The following UQCRC2 variants were observed in gnomAD, a reference collection of about 807,000 sequenced individuals.
The protein encoded by UQCRC2 is ubiquinol-cytochrome c reductase core protein 2.
Under a neutral mutation model 55.6 loss-of-function variants are expected in UQCRC2, and 49 were observed. The ratio of observed to expected loss-of-function variants is 0.88; its 90% confidence interval spans 0.70 to 1.12. UQCRC2 has a LOEUF of 1.12. Ranked by LOEUF, UQCRC2 falls within the 50% of genes most tolerant of loss-of-function variation. The probability of loss-of-function intolerance (pLI) is 0.00; values close to 1 mark genes in which losing one functional copy is unlikely to be tolerated. For missense variants in UQCRC2, 506 were observed against 547.8 expected (o/e 0.92, Z 0.76); for synonymous variants, 193 against 192.0 (o/e 1.01, Z -0.04).
chr16:21,976,686 C>T (rs1898593150), intron 12 of UQCRC2: 1 of 153,156 alleles, frequency 6.5e-6, no homozygotes, highest in Admixed American at 6.5e-5. Flanking sequence ...ACCCTAATAA[C>T]CCAGTCATCC....
At chr16:21,979,748 C>T (rs540732401) in intron 12 of UQCRC2, among the ~76,000 whole-genome samples, 11 of 152,182 alleles carry the variant, frequency 7.2e-5, no homozygotes, top group Admixed American at 1.3e-4. Context: ...ACATAGGCTA[C>T]GCTAAATTTA....
chr16:21,976,115 C>T (rs1898578510), intron 11 of UQCRC2, 52 bp from the exon 12 acceptor site: 2 of 1,286,500 alleles, frequency 1.6e-6, no homozygotes, highest in African/African-American at 1.5e-5. Flanking sequence ...GTCAGTGCTG[C>T]AGGAGACTCT....
intron 12 of UQCRC2, among the ~76,000 whole-genome samples, chr16:21,978,501 C>T (rs192841664): frequency 1.3e-5 from 2 of 152,248 alleles, no homozygotes; most frequent in Admixed American, 1.3e-4. Context: ...CTTACAAGAC[C>T]TGTACTGCCC....
chr16:21,967,149 G>C (rs900175531), intron 7 of UQCRC2, among the ~76,000 whole-genome samples: 1 of 152,188 alleles, frequency 6.6e-6, no homozygotes, highest in African/African-American at 2.4e-5. Flanking sequence ...AGAAATTGGC[G>C]CTAGAATACT....
intron 8 of UQCRC2, 151 bp from the exon 9 acceptor site, chr16:21,971,374 C>T (rs756033423): frequency 1.6e-6 from 1 of 624,808 alleles, no homozygotes; most frequent in East Asian, 2.8e-5. Flanking sequence ...AATTGGGTAT[C>T]TCTGGGAGAG....
intron 12 of UQCRC2, among the ~76,000 whole-genome samples, chr16:21,979,814 A>C (rs2080711891): frequency 6.6e-6 from 1 of 152,168 alleles, no homozygotes. Context: ...GGAATCTTTC[A>C]GCTCCCTAAT....
In UQCRC2 at chr16:21,971,339, A is replaced by G. The variant is rs533155543; in HGVS notation, c.671-186A>G. Among the ~76,000 whole-genome samples the G allele has an allele frequency of 3.9e-5, 6 of 152,358 alleles. No homozygotes were observed. The South Asian group carries it at 1.0e-3, about 26-fold the overall frequency. ...TGAATAGTAATACTAAGTATATAGT[A>G]AATAGTTTAGTAATAGTAAACTGTA... On this transcript the variant is annotated intron_variant, in intron 8 of 13. Coordinates refer to ENST00000268379, the MANE Select transcript of UQCRC2 (RefSeq NM_003366.4).
chr16:21,970,600 T>G (rs955305126), intron 8 of UQCRC2, among the ~76,000 whole-genome samples: 8 of 152,334 alleles, frequency 5.3e-5, no homozygotes, highest in Non-Finnish European at 1.0e-4. Context: ...TTGTTTGTTT[T>G]TTTGAGACAG....
chr16:21,962,322 G>A, intron 4 of UQCRC2, 138 bp from the exon 5 acceptor site: 1 of 974,564 alleles, frequency 1.0e-6, no homozygotes, highest in Non-Finnish European at 1.5e-6. Context: ...GTTAATATGT[G>A]GAGTTTTGTT....
At chr16:21,973,058 C>T (rs960464716) in intron 10 of UQCRC2, among the ~76,000 whole-genome samples, 2 of 152,206 alleles carry the variant, frequency 1.3e-5, no homozygotes, top group African/African-American at 2.4e-5. Flanking sequence ...TGAGATCGTG[C>T]CACTGCACTC....
intron 7 of UQCRC2, among the ~76,000 whole-genome samples, chr16:21,967,380 A>G (rs938017411): frequency 6.6e-6 from 1 of 151,980 alleles, no homozygotes; most frequent in Admixed American, 6.6e-5. Context: ...CTTACTTTTA[A>G]TACCACAGAT....
chr16:21,953,722 G>A (rs376329826), intron 1 of UQCRC2, among the ~76,000 whole-genome samples: 19 of 152,150 alleles, frequency 1.2e-4, no homozygotes, highest in African/African-American at 4.6e-4. Flanking sequence ...AGAGACTTCT[G>A]AAGGTCACTC....
chr16:21,973,869 A>G (rs763762836), intron 10 of UQCRC2, 27 bp from the exon 11 acceptor site: 2 of 1,605,332 alleles, frequency 1.2e-6, no homozygotes, highest in African/African-American at 1.3e-5. Context: ...GTAGAATATC[A>G]TACAGTAAAG....
chr16:21,966,028 T>C (rs1898317191), intron 7 of UQCRC2, among the ~76,000 whole-genome samples: 2 of 151,832 alleles, frequency 1.3e-5, no homozygotes, highest in Non-Finnish European at 2.9e-5. Context: ...AGTATCATAA[T>C]AGGGGCTGGG....
Position 21,968,651 on chromosome 16 carries a change from T to A in UQCRC2, c.636T>A (p.His212Gln). The A allele has an allele frequency of 1.2e-6, 2 of 1,609,566 alleles. No individual in the cohort carries two copies. The highest frequency in any genetic ancestry group is 1.7e-6 in the Non-Finnish European group (2 of 1,177,720). The change falls in exon 8 of 14, where the codon CAT (histidine) becomes CAA (glutamine). Residue 212 changes from histidine to glutamine, a missense_variant. Coordinates refer to ENST00000268379, the MANE Select transcript of UQCRC2 (RefSeq NM_003366.4). ...AGTTACATTACTTCGTTCAGAACCA[T>A]TTCACAAGTGCAAGAATGGCTTTGA... ...SEELHYFVQN[H>Q]FTSARMALIG...
Position 21,976,214 on chromosome 16 carries a change from C to G in UQCRC2, c.1095C>G (p.Asn365Lys), listed in dbSNP as rs750057973. ...AAGTAAAAACAATAGCTCAAGGAAA[C>G]CTTTCCAACACAGATGTCCAAGCTG... ...YNQVKTIAQGNLSNTDVQAAK... is the reference protein window; with the variant it reads ...YNQVKTIAQGKLSNTDVQAAK... Residue 365 changes from asparagine (N) to lysine (K), a missense_variant, in exon 12 of 14, where the codon AAC (asparagine) becomes AAG (lysine). Physicochemically the swap from Asn to Lys is moderately conservative, Grantham distance 94. Transcript: ENST00000268379. The G allele has an allele frequency of 6.2e-7, 1 of 1,614,016 alleles. No individual in the cohort carries two copies. Among genetic ancestry groups the G allele is most frequent in the East Asian group, 2.2e-5 (1 of 44,886 alleles).
At chr16:21,975,415 T>TGGCTC (rs1898558340) in intron 11 of UQCRC2, among the ~76,000 whole-genome samples, 1 of 152,036 alleles carries the variant, frequency 6.6e-6, no homozygotes, top group Non-Finnish European at 1.5e-5. Flanking sequence ...GTCTGGGGTG[T>TGGCTC]GGCTCTGAAA....
At chr16:21,981,165 A>G (rs1188667268) in intron 13 of UQCRC2, among the ~76,000 whole-genome samples, 1 of 152,122 alleles carries the variant, frequency 6.6e-6, no homozygotes, top group Admixed American at 6.5e-5. Flanking sequence ...TAGCATCTTA[A>G]GATTTTCTTT....
rs758679417 is a variant in UQCRC2 at position 21,980,613 on chromosome 16, G to A, written c.1191G>A (p.Gly397=). The A allele has an allele frequency of 3.7e-6, 6 of 1,614,020 alleles. No individual in the cohort carries two copies. In the African/African-American group the frequency reaches 4.0e-5, roughly 11 times the overall value. ...ESSECFLEEV[G]SQALVAGSYM... ...CTGAGTGTTTCCTGGAAGAAGTCGG[G>A]TCCCAGGCTCTAGTTGCTGGTTCTT... The change falls in exon 13 of 14, where the codon GGG becomes GGA. Residue 397 remains glycine (G), a synonymous_variant. Coordinates refer to ENST00000268379, the MANE Select transcript of UQCRC2 (RefSeq NM_003366.4).
Sources: gnomAD v4.1 joint callset for allele counts (sites outside exome capture counted in the v4.1 genomes callset) on GRCh38, gnomAD v4.1.1 for gene constraint, MANE v1.5 for transcripts, NCBI Gene and HGNC (gene_info 2026-07-23, HGNC 2026-07-21) for gene names.